The following GCN1 variants were observed in gnomAD, a reference collection of about 807,000 sequenced individuals.
GCN1 encodes the protein GCN1 activator of EIF2AK4.
A neutral mutation model predicts 288.4 loss-of-function variants in GCN1; 90 were observed. The observed-to-expected ratio is 0.31, with a 90% CI of 0.26 to 0.37. GCN1 has a LOEUF of 0.37. GCN1 is among the 10% of genes least tolerant of loss of function. The pLI, the probability that GCN1 is intolerant of heterozygous loss-of-function variation, is 1.00. For missense variants in GCN1, 2,586 were observed against 3,419.9 expected (o/e 0.76, Z 6.08); for synonymous variants, 1,386 against 1,420.2 (o/e 0.98, Z 0.54).
In GCN1 at chr12:120,177,750, G is replaced by A. The variant is rs944098581; in HGVS notation, c.663C>T (p.Ser221=). Residue 221 remains serine (S), a splice_region_variant and synonymous_variant, in exon 8 of 58, where the codon AGC becomes AGT. Coordinates refer to ENST00000300648, the MANE Select transcript of GCN1 (RefSeq NM_006836.2). Reference sequence around the variant, plus strand: ...TCTTCATGTAAAAGTCCAGTAGGGCGCTCTAGAGAACACAAAGCTCTGGTT... The same window carrying A: ...TCTTCATGTAAAAGTCCAGTAGGGCACTCTAGAGAACACAAAGCTCTGGTT... ...KEMDVVSQHK[S]ALLDFYMKNI... The A allele has an allele frequency of 1.2e-5, 20 of 1,608,230 alleles. No homozygotes were observed. The highest frequency in any genetic ancestry group is 2.2e-5 in the South Asian group (2 of 90,962).
At chr12:120,168,140 C>A (rs1299125924) in intron 16 of GCN1, 68 bp downstream of exon 16, 2 of 961,148 alleles carry the variant, frequency 2.1e-6, no homozygotes, top group Admixed American at 3.4e-5. Flanking sequence ...AAGAAAGGGT[C>A]CTCTCTGAAG....
chr12:120,150,652 T>C (rs1594268677), intron 34 of GCN1, among the ~76,000 whole-genome samples: 3 of 138,190 alleles, frequency 2.2e-5, no homozygotes, highest in East Asian at 2.2e-4. Flanking sequence ...AGTTAGAAAT[T>C]TGTGGCCGGG....
At chr12:120,191,127 T>TAC (rs1174709015) in intron 1 of GCN1, among the ~76,000 whole-genome samples, 1 of 152,192 alleles carries the variant, frequency 6.6e-6, no homozygotes, top group Non-Finnish European at 1.5e-5. Context: ...TGGCTACTAC[T>TAC]ACCAAAAAGC....
intron 3 of GCN1, 57 bp from the exon 4 acceptor site, chr12:120,184,300 C>A: frequency 6.6e-7 from 1 of 1,520,016 alleles, no homozygotes; most frequent in South Asian, 1.2e-5. Context: ...GAGGCAGGGG[C>A]AAGGCTGCTC....
intron 5 of GCN1, 25 bp downstream of exon 5, chr12:120,183,544 T>C (rs372299417): frequency 7.5e-5 from 103 of 1,370,426 alleles, no homozygotes; most frequent in Non-Finnish European, 1.0e-4. Flanking sequence ...TGACCCTTGC[T>C]ACTTCAGAGA....
rs925420041 is a variant in GCN1 at position 120,143,058 on chromosome 12, G to C, written c.5496-117C>G. 4 of 628,334 alleles carry C rather than the reference G, an allele frequency of 6.4e-6. No homozygotes were observed. In the African/African-American group the frequency reaches 7.1e-5, roughly 11 times the overall value. 38.9% of individuals were successfully genotyped at this position (628,334 alleles called of 1,614,324 possible). A position where few individuals can be genotyped will look rare whatever the true frequency, so the allele number is the denominator to read the frequency against. On this transcript the variant is annotated intron_variant, in intron 42 of 57. Transcript: ENST00000300648. ...CAAAATACTCATGACGGTCATCTTG[G>C]AATGGGAAGAGTCAGGTGGTTTACA...
chr12:120,162,211 C>T (rs1877955123), intron 20 of GCN1, 153 bp from the exon 21 acceptor site: 1 of 635,502 alleles, frequency 1.6e-6, no homozygotes. Context: ...CGGCTGGAGT[C>T]TGCGTCTGCT....
rs1472488882 is a variant in GCN1 at position 120,158,991 on chromosome 12, GAC to G, written c.2750-378_2750-377del. Among the ~76,000 whole-genome samples the G allele has an allele frequency of 6.7e-6, 1 of 148,784 alleles. No individual in the cohort carries two copies. Among genetic ancestry groups the G allele is most frequent in the Non-Finnish European group, 1.5e-5 (1 of 67,532 alleles). ...GGCGCCACTGCACTCCAGCCTGGGT[GAC>G]AGAGTAAGACTCCGTCTCAAAAAAA... On this transcript the variant is annotated intron_variant, in intron 24 of 57. Transcript: ENST00000300648. The surrounding 1 kb of genome is among the most constrained non-coding windows in gnomAD (Gnocchi z 4.3).
At position 120,183,664 on chromosome 12, in the gene GCN1, A is replaced by G. The variant is rs1464036117; in HGVS notation, c.331T>C (p.Ser111Pro). Reference protein sequence around the residue: ...KAGVPSKSSGSAALLALTWTC... With the variant: ...KAGVPSKSSGPAALLALTWTC... Reference sequence around the variant, plus strand: ...CAGGTCAAGGCCAGCAAGGCGGCAGAGCCACTGCTCTTACTGCAGAGCAGA... The same window carrying G: ...CAGGTCAAGGCCAGCAAGGCGGCAGGGCCACTGCTCTTACTGCAGAGCAGA... Residue 111 changes from serine to proline, a missense_variant, in exon 5 of 58, where the codon TCT becomes CCT. Ser to Pro is a moderately conservative substitution (Grantham distance 74). This residue lies in a region of GCN1 where 913 missense variants were observed against 1,107.0 expected (regional missense o/e 0.82). Coordinates refer to ENST00000300648, the MANE Select transcript of GCN1 (RefSeq NM_006836.2). 6.2e-7 allele frequency: 1 copy of G among 1,609,404 alleles called. No individual in the cohort carries two copies. Among genetic ancestry groups the G allele is most frequent in the Non-Finnish European group, 8.5e-7 (1 of 1,175,942 alleles).
Position 120,158,391 on chromosome 12 carries a change from G to A in GCN1, c.2905+69C>T. ...GGCTCAGGAGGCCCTGGGTGACGCT[G>A]TGCCTTGAGCAGCATTCCTGGCACC... On this transcript the variant is annotated intron_variant, in intron 25 of 57. Coordinates refer to ENST00000300648, the MANE Select transcript of GCN1 (RefSeq NM_006836.2). The surrounding 1 kb of genome is among the most constrained non-coding windows in gnomAD (Gnocchi z 4.3). The A allele has an allele frequency of 7.5e-7, 1 of 1,341,334 alleles. No individual in the cohort carries two copies. The allele number at this position is 1,341,334 out of a possible 1,614,324, so 83.1% of individuals were successfully genotyped here. A position where few individuals can be genotyped will look rare whatever the true frequency, so the allele number is the denominator to read the frequency against.
Position 120,144,596 on chromosome 12 carries a change from CCCT to C in GCN1, c.5352+40_5352+42del, listed in dbSNP as rs763415041. The C allele has an allele frequency of 9.5e-6, 15 of 1,577,042 alleles. No homozygotes were observed. The African/African-American group carries it at 1.7e-4, about 18-fold the overall frequency. The stretch of plus-strand genomic sequence containing the variant: ...TCTCCAGGTGAGCACTTGCCTCCTG[CCCT>C]CCTCAAGGACTCTACCCTTGCCAAG... On this transcript the variant is annotated intron_variant, in intron 41 of 57. Coordinates refer to ENST00000300648, the MANE Select transcript of GCN1 (RefSeq NM_006836.2). The surrounding 1 kb of genome is among the most constrained non-coding windows in gnomAD (Gnocchi z 4.7).
Position 120,137,502 on chromosome 12 carries a change from T to C in GCN1, c.6663+43A>G, listed in dbSNP as rs754731704. ...TCTATTCCTGTAAATGTCTGGAATT[T>C]TCTAAAAGCAAAAGTTGGCTGTGGG... On this transcript the variant is annotated intron_variant, in intron 49 of 57. Transcript: ENST00000300648. This position sits in a 1 kb window ranked among gnomAD's most constrained non-coding sequence, Gnocchi z 5.2. 8.7e-6 allele frequency: 14 copies of C among 1,600,348 alleles called. No individual in the cohort carries two copies. The highest frequency in any genetic ancestry group is 1.2e-5 in the Non-Finnish European group (14 of 1,170,030).
At chr12:120,179,288 T>C (rs1242738347) in intron 5 of GCN1, among the ~76,000 whole-genome samples, 1 of 151,698 alleles carries the variant, frequency 6.6e-6, no homozygotes, top group Non-Finnish European at 1.5e-5. Flanking sequence ...TGGAGTGCAG[T>C]GGCACAATCT....
intron 8 of GCN1, 34 bp downstream of exon 8, chr12:120,177,650 T>C (rs528528318): frequency 6.3e-7 from 1 of 1,579,072 alleles, no homozygotes. Context: ...ATGGGATCAG[T>C]TGTCCAGGTG....
rs1233579899 is a variant in GCN1, at chr12:120,147,338, C to G, written c.4727-66G>C. ...ATGCAGCTGCAAGGCCCCTGGGCCC[C>G]CAGAACTAGAATGGATCAGAAGAGA... On this transcript the variant is annotated intron_variant, in intron 37 of 57. Coordinates refer to ENST00000300648, the MANE Select transcript of GCN1 (RefSeq NM_006836.2). 3.5e-6 allele frequency: 3 copies of G among 849,176 alleles called. No individual in the cohort carries two copies. In the African/African-American group the frequency reaches 5.1e-5, roughly 14 times the overall value. 52.6% of individuals were successfully genotyped at this position (849,176 alleles called of 1,614,324 possible). A position where few individuals can be genotyped will look rare whatever the true frequency, so the allele number is the denominator to read the frequency against.
chr12:120,152,237 C>T (rs1470602881), intron 33 of GCN1, among the ~76,000 whole-genome samples: 1 of 151,764 alleles, frequency 6.6e-6, no homozygotes. Context: ...CTATGTTGCC[C>T]AGGCTGGTCT....
intron 31 of GCN1, among the ~76,000 whole-genome samples, chr12:120,154,372 T>C (rs551549150): frequency 6.6e-6 from 1 of 152,288 alleles, no homozygotes; most frequent in Non-Finnish European, 1.5e-5. Context: ...GATGGGCCCA[T>C]ACACCACCCT....
intron 11 of GCN1, 24 bp from the exon 12 acceptor site, chr12:120,175,236 T>C: frequency 2.5e-6 from 4 of 1,600,508 alleles, no homozygotes; most frequent in Non-Finnish European, 3.4e-6. Context: ...CAGCAAAGAT[T>C]CACATTCACA....
In GCN1 at chr12:120,153,251, C is replaced by A. The variant is rs1393029431; in HGVS notation, c.4024G>T (p.Ala1342Ser). 3.7e-6 allele frequency: 6 copies of A among 1,614,090 alleles called. No individual in the cohort carries two copies. The Admixed American group carries it at 5.0e-5, about 13-fold the overall frequency. ...GTGGAGAGGGCAGCGATGAGCTTGG[C>A]AACAATGGGCTTCACTTTGGGGTCA... ...KSDPKVKPIV[A>S]KLIAALSTPS... The change falls in exon 33 of 58, where the codon GCC (alanine) becomes TCC (serine). Residue 1342 changes from alanine to serine, a missense_variant. Coordinates refer to ENST00000300648, the MANE Select transcript of GCN1 (RefSeq NM_006836.2). This position sits in a 1 kb window ranked among gnomAD's most constrained non-coding sequence, Gnocchi z 4.4.
Sources: gnomAD v4.1 joint callset for allele counts (sites outside exome capture counted in the v4.1 genomes callset) on GRCh38, gnomAD v4.1.1 for gene constraint, gnomAD v4.1.1 regional missense constraint, Gnocchi (gnomAD v3.1) non-coding constraint, MANE v1.5 for transcripts, NCBI Gene and HGNC (gene_info 2026-07-23, HGNC 2026-07-21) for gene names.